Variants in TMEM74 observed in about 807,000 individuals in gnomAD.
TMEM74 encodes the protein transmembrane protein 74.
In TMEM74, 13 loss-of-function variants were observed where a neutral mutation model predicts 18.1. The observed-to-expected ratio is 0.72, with a 90% confidence interval of 0.47 to 1.14. The LOEUF is 1.14. Among genes scored for constraint, TMEM74 ranks in the 50% most tolerant of loss-of-function variants. TMEM74 has a pLI of 0.00. For missense variants in TMEM74, 372 were observed against 375.9 expected (o/e 0.99, Z 0.09); for synonymous variants, 159 against 146.6 (o/e 1.08, Z -0.61).
intron 1 of TMEM74, among the ~76,000 whole-genome samples, chr8:108,659,917 T>C (rs1306711369): frequency 6.6e-6 from 1 of 152,092 alleles, no homozygotes; most frequent in Non-Finnish European, 1.5e-5. Context: ...CCCCAGCCAT[T>C]TCAGCTCCCT....
At position 108,779,301 on chromosome 8, in the gene TMEM74, T is replaced by C. The variant is rs1438875038; in HGVS notation, c.*4880A>G. On this transcript the variant is annotated 3_prime_UTR_variant, in exon 2 of 2. Transcript: ENST00000297459. ...GGGTACAAACTCTCAATACACAATA[T>C]GTAATAATTAATCTTTCTTTCTTAT... 2.6e-5 allele frequency among the ~76,000 whole-genome samples: 4 copies of C among 152,114 alleles called. No individual in the cohort carries two copies. Among genetic ancestry groups the C allele is most frequent in the Admixed American group, 6.6e-5 (1 of 15,264 alleles).
At chr8:108,697,222 T>G (rs1459492552) in intron 1 of TMEM74, among the ~76,000 whole-genome samples, 1 of 151,972 alleles carries the variant, frequency 6.6e-6, no homozygotes, top group East Asian at 1.9e-4. Flanking sequence ...TGGTCTAGGG[T>G]TTTACTAGGA....
At chr8:108,662,245 T>A (rs969717805) in intron 1 of TMEM74, among the ~76,000 whole-genome samples, 1 of 151,254 alleles carries the variant, frequency 6.6e-6, no homozygotes, top group Non-Finnish European at 1.5e-5. Flanking sequence ...CACACACACA[T>A]ACAAACACAC....
In TMEM74 at chr8:108,691,986, T is replaced by C. The variant is rs534277508; in HGVS notation, n.120-36549A>G. 5.9e-4 allele frequency among the ~76,000 whole-genome samples: 90 copies of C among 152,288 alleles called. 1 individual carries two copies. The highest frequency in any genetic ancestry group is 2.1e-3 in the African/African-American group (89 of 41,554). On this transcript the variant is annotated intron_variant and non_coding_transcript_variant, in intron 1 of 3. Transcript: ENST00000518838. ...GGGAGAGGAATATACGTTGAGTGAA[T>C]GTTCAAATAATGTTCCAGGCATTTT...
At chr8:108,745,591 A>G (rs201392557) in intron 1 of TMEM74, among the ~76,000 whole-genome samples, 1 of 152,090 alleles carries the variant, frequency 6.6e-6, no homozygotes, top group East Asian at 1.9e-4. Flanking sequence ...AAACGTACAT[A>G]TATGTAAGTA....
chr8:108,738,066 C>T (rs946482821), intron 1 of TMEM74, among the ~76,000 whole-genome samples: 15 of 152,064 alleles, frequency 9.9e-5, no homozygotes, highest in African/African-American at 3.6e-4. Context: ...GAATCTCTCC[C>T]CCTGTGCTTA....
chr8:108,774,485 T>C (rs1814206705), downstream of TMEM74, among the ~76,000 whole-genome samples: 1 of 152,186 alleles, frequency 6.6e-6, no homozygotes, highest in Non-Finnish European at 1.5e-5. Context: ...GTGTGGCTTC[T>C]GTAAGTTCTT....
At chr8:108,714,988 GACATAAACACA>G (rs1462708180) in intron 1 of TMEM74, among the ~76,000 whole-genome samples, 1 of 151,962 alleles carries the variant, frequency 6.6e-6, no homozygotes, top group East Asian at 1.9e-4. Flanking sequence ...ATTATTACAT[GACATAAACACA>G]ACATAAACAC....
At chr8:108,726,187 A>C (rs908121949) in intron 1 of TMEM74, among the ~76,000 whole-genome samples, 13 of 152,108 alleles carry the variant, frequency 8.5e-5, no homozygotes, top group Admixed American at 3.9e-4. Flanking sequence ...CATCATCTCT[A>C]AGGTCTCTAA....
intron 1 of TMEM74, among the ~76,000 whole-genome samples, chr8:108,738,768 C>A (rs57265147): frequency 0.026 from 3,892 of 152,190 alleles, 113 homozygotes; most frequent in African/African-American, 0.067. Flanking sequence ...AAGCTGATTT[C>A]TCTTTTATGT....
intron 2 of TMEM74, among the ~76,000 whole-genome samples, chr8:108,617,771 G>A (rs1323208069): frequency 6.6e-6 from 1 of 151,884 alleles, no homozygotes; most frequent in Non-Finnish European, 1.5e-5. Context: ...GGAAAGAGGA[G>A]GAAAAAATAT....
At chr8:108,631,216 G>A (rs1365544430) in intron 2 of TMEM74, among the ~76,000 whole-genome samples, 2 of 152,076 alleles carry the variant, frequency 1.3e-5, no homozygotes, top group Middle Eastern at 3.4e-3. Flanking sequence ...TGCTATGGCA[G>A]CTCTAGCAAT....
chr8:108,618,941 G>A (rs1812412367), intron 2 of TMEM74, among the ~76,000 whole-genome samples: 1 of 152,062 alleles, frequency 6.6e-6, no homozygotes, highest in South Asian at 2.1e-4. Context: ...GACACCCCAG[G>A]CCCCATCCAA....
intron 2 of TMEM74, among the ~76,000 whole-genome samples, chr8:108,625,102 A>G (rs755817003): frequency 1.4e-4 from 21 of 151,986 alleles, no homozygotes; most frequent in Non-Finnish European, 2.9e-4. Flanking sequence ...GAGGAAAGAT[A>G]AGAATTTGGA....
chr8:108,680,420 T>G (rs967643442), intron 1 of TMEM74, among the ~76,000 whole-genome samples: 39 of 152,232 alleles, frequency 2.6e-4, no homozygotes, highest in African/African-American at 8.9e-4. Flanking sequence ...AAAAACCACA[T>G]GATTATCTCA....
chr8:108,651,800 T>C (rs1812777098), intron 2 of TMEM74, among the ~76,000 whole-genome samples: 3 of 152,150 alleles, frequency 2.0e-5, no homozygotes, highest in Admixed American at 2.0e-4. Context: ...TTTTTTTTGA[T>C]ATATGTGTAT....
intron 1 of TMEM74, among the ~76,000 whole-genome samples, chr8:108,751,116 A>G (rs1813900437): frequency 1.3e-5 from 2 of 152,186 alleles, no homozygotes; most frequent in Admixed American, 1.3e-4. Flanking sequence ...AAAATAATCC[A>G]CTTTGGGGAC....
chr8:108,620,987 G>C (rs1812434611), intron 2 of TMEM74, among the ~76,000 whole-genome samples: 1 of 152,188 alleles, frequency 6.6e-6, no homozygotes, highest in Non-Finnish European at 1.5e-5. Flanking sequence ...CTGCTCCCAT[G>C]ATGCCTGGTC....
intron 1 of TMEM74, among the ~76,000 whole-genome samples, chr8:108,705,083 C>A (rs1240463049): frequency 6.6e-6 from 1 of 152,190 alleles, no homozygotes; most frequent in East Asian, 1.9e-4. Context: ...ATTTTCTTTT[C>A]ATCTACTTCT....
Sources: gnomAD v4.1 joint callset for allele counts (sites outside exome capture counted in the v4.1 genomes callset) on GRCh38, gnomAD v4.1.1 for gene constraint, MANE v1.5 for transcripts, NCBI Gene and HGNC (gene_info 2026-07-23, HGNC 2026-07-21) for gene names.